Variants in CHST11 observed in about 807,000 individuals in gnomAD.
CHST11 encodes the protein C4S-1.
In CHST11, 9 loss-of-function variants were observed where a neutral mutation model predicts 30.4. That is an observed-to-expected ratio of 0.30 (90% CI 0.18 to 0.52). CHST11 has a LOEUF of 0.52. CHST11 is among the 20% of genes least tolerant of loss of function. CHST11 has a pLI of 0.97. For synonymous variants in CHST11, 152 were observed against 187.8 expected, an observed-to-expected ratio of 0.81 and a Z score of 1.56; for missense variants, 348 against 460.6, an observed-to-expected ratio of 0.76 and a Z score of 2.24.
At chr12:104,607,383 T>C (rs1199274548) in intron 2 of CHST11, among the ~76,000 whole-genome samples, 1 of 152,178 alleles carries the variant, frequency 6.6e-6, no homozygotes, top group Admixed American at 6.5e-5. Flanking sequence ...CAAAATGTGT[T>C]CCTTCTATGG....
At chr12:104,728,276 T>C (rs77609208) in intron 2 of CHST11, among the ~76,000 whole-genome samples, 1,952 of 152,174 alleles carry the variant, frequency 0.013, 23 homozygotes, top group East Asian at 0.061. Context: ...AACTTCCCCA[T>C]AGCTGTGACT....
intron 2 of CHST11, among the ~76,000 whole-genome samples, chr12:104,654,110 C>T (rs1592819209): frequency 1.3e-5 from 2 of 152,162 alleles, no homozygotes; most frequent in South Asian, 2.1e-4. Flanking sequence ...TGCTAGGTGC[C>T]GGGGATGCAG....
intron 2 of CHST11, among the ~76,000 whole-genome samples, chr12:104,681,718 A>G (rs193123149): frequency 6.6e-6 from 1 of 152,014 alleles, no homozygotes; most frequent in African/African-American, 2.4e-5. Context: ...GTGTGGTAGC[A>G]TGCACCCGTA....
chr12:104,695,898 C>T (rs551813474), intron 2 of CHST11, among the ~76,000 whole-genome samples: 3 of 152,220 alleles, frequency 2.0e-5, no homozygotes, highest in South Asian at 2.1e-4. Context: ...GGAGCCAACC[C>T]GATGAATAAC....
chr12:104,539,512 G>GA (rs1175624701), intron 1 of CHST11, among the ~76,000 whole-genome samples: 1 of 152,202 alleles, frequency 6.6e-6, no homozygotes, highest in Non-Finnish European at 1.5e-5. Flanking sequence ...ATTGTTTCCT[G>GA]AAAGTGGGAT....
At chr12:104,566,181 C>T (rs938366644) in intron 1 of CHST11, among the ~76,000 whole-genome samples, 2 of 152,172 alleles carry the variant, frequency 1.3e-5, no homozygotes, top group African/African-American at 4.8e-5. Context: ...GCCTCAGTGT[C>T]ACTGCTCTAA....
At chr12:104,566,239 C>T (rs534571460) in intron 1 of CHST11, among the ~76,000 whole-genome samples, 2 of 152,256 alleles carry the variant, frequency 1.3e-5, no homozygotes, top group South Asian at 4.1e-4. Flanking sequence ...GCTTTATGGT[C>T]CCCCATAAAT....
At chr12:104,673,454 C>T (rs1192849280) in intron 2 of CHST11, among the ~76,000 whole-genome samples, 1 of 152,096 alleles carries the variant, frequency 6.6e-6, no homozygotes, top group African/African-American at 2.4e-5. Flanking sequence ...AGTAACTTAC[C>T]CTCTTTGGGC....
At chr12:104,559,602 G>A (rs1241236300) in intron 1 of CHST11, among the ~76,000 whole-genome samples, 2 of 152,158 alleles carry the variant, frequency 1.3e-5, no homozygotes, top group Non-Finnish European at 2.9e-5. Context: ...AATTAGCCGG[G>A]CATGGTGGTG....
chr12:104,475,360 A>G (rs2037546637), intron 1 of CHST11, among the ~76,000 whole-genome samples: 1 of 152,072 alleles, frequency 6.6e-6, no homozygotes, highest in Non-Finnish European at 1.5e-5. Flanking sequence ...GGCTAGGAAA[A>G]AAAAAAGAGT....
chr12:104,473,202 A>C (rs1309653946), intron 1 of CHST11, among the ~76,000 whole-genome samples: 1 of 152,062 alleles, frequency 6.6e-6, no homozygotes, highest in African/African-American at 2.4e-5. Flanking sequence ...TATTATCATC[A>C]TTTAATGGGA....
At chr12:104,685,542 G>A (rs1345974151) in intron 2 of CHST11, among the ~76,000 whole-genome samples, 1 of 152,306 alleles carries the variant, frequency 6.6e-6, no homozygotes, top group Middle Eastern at 3.4e-3. Flanking sequence ...CTCATTAAAT[G>A]TGTGACCTCA....
intron 2 of CHST11, among the ~76,000 whole-genome samples, chr12:104,630,399 C>T (rs2039259460): frequency 6.6e-6 from 1 of 152,188 alleles, no homozygotes; most frequent in African/African-American, 2.4e-5. Flanking sequence ...TAAGACAATT[C>T]CTGGCAGGTG....
intron 2 of CHST11, among the ~76,000 whole-genome samples, chr12:104,699,713 T>C (rs1177466020): frequency 6.6e-6 from 1 of 152,250 alleles, no homozygotes; most frequent in Non-Finnish European, 1.5e-5. Context: ...CTCTTATATC[T>C]GTAATATAAG....
intron 2 of CHST11, among the ~76,000 whole-genome samples, chr12:104,690,535 G>A (rs2039887547): frequency 6.6e-6 from 1 of 152,176 alleles, no homozygotes; most frequent in South Asian, 2.1e-4. Flanking sequence ...TGCTTGAAAA[G>A]AGATACGAGA....
At chr12:104,713,411 A>G (rs1359933117) in intron 2 of CHST11, among the ~76,000 whole-genome samples, 1 of 152,036 alleles carries the variant, frequency 6.6e-6, no homozygotes, top group Non-Finnish European at 1.5e-5. Flanking sequence ...GAATGGGACT[A>G]TTTGCCTGCC....
chr12:104,690,753 G>A (rs1206587888), intron 2 of CHST11, among the ~76,000 whole-genome samples: 1 of 152,144 alleles, frequency 6.6e-6, no homozygotes, highest in African/African-American at 2.4e-5. Flanking sequence ...CATCCAAGCT[G>A]GGAGGTTGAG....
In CHST11 at chr12:104,758,180, T is replaced by G. The variant is rs760285305; in HGVS notation, c.*377T>G. 5.2e-5 allele frequency: 9 copies of G among 173,740 alleles called. No individual in the cohort carries two copies. Among genetic ancestry groups the G allele is most frequent in the Non-Finnish European group, 1.1e-4 (9 of 81,884 alleles). 10.8% of individuals were successfully genotyped at this position (173,740 alleles called of 1,614,324 possible). On this transcript the variant is annotated 3_prime_UTR_variant, in exon 3 of 3. Coordinates refer to ENST00000303694, the MANE Select transcript of CHST11 (RefSeq NM_018413.6). ...CATCTTTCCAGAAGAAATCTATGAT[T>G]CCTGCTTTGCTTGCTACAGCTCATT...
intron 1 of CHST11, among the ~76,000 whole-genome samples, chr12:104,589,685 G>A (rs6539161): frequency 0.27 from 40,550 of 152,066 alleles, 5,544 homozygotes; most frequent in African/African-American, 0.32. Flanking sequence ...CAAGGGTTCT[G>A]GTTTGACTAC....
Sources: gnomAD v4.1 joint callset for allele counts (sites outside exome capture counted in the v4.1 genomes callset) on GRCh38, gnomAD v4.1.1 for gene constraint, MANE v1.5 for transcripts, NCBI Gene and HGNC (gene_info 2026-07-23, HGNC 2026-07-21) for gene names.